Variants in CSMD1 observed in about 807,000 individuals in gnomAD.
CSMD1 encodes the protein CUB and sushi domain-containing protein 1.
A neutral mutation model predicts 417.5 loss-of-function variants in CSMD1; 213 were observed. That is an observed-to-expected ratio of 0.51 (90% CI 0.46 to 0.57). CSMD1 has a LOEUF of 0.57. Ranked by LOEUF, CSMD1 falls within the 20% of genes least tolerant of loss-of-function variation. The pLI, the probability that CSMD1 is intolerant of heterozygous loss-of-function variation, is 0.00. For missense variants in CSMD1, 6,923 were observed against 4,529.7 expected (o/e 1.53, Z -15.17); for synonymous variants, 2,862 against 1,736.8 (o/e 1.65, Z -16.11).
intron 1 of CSMD1, among the ~76,000 whole-genome samples, chr8:4,784,348 C>T (rs897490067): frequency 1.8e-4 from 27 of 152,266 alleles, no homozygotes; most frequent in Non-Finnish European, 3.4e-4. Context: ...AGGAAAATTC[C>T]CCCTGCAGGG....
intron 3 of CSMD1, among the ~76,000 whole-genome samples, chr8:4,416,079 C>T (rs1182941378): frequency 6.6e-6 from 1 of 152,138 alleles, no homozygotes; most frequent in African/African-American, 2.4e-5. Flanking sequence ...TGAATAAAGT[C>T]TTTGCCAATT....
At chr8:4,100,461 A>C (rs916873392) in intron 3 of CSMD1, among the ~76,000 whole-genome samples, 2 of 152,156 alleles carry the variant, frequency 1.3e-5, no homozygotes, top group African/African-American at 4.8e-5. Context: ...TTTATCTCCA[A>C]ATGTTGCTTA....
chr8:4,488,997 G>A (rs996782505), intron 2 of CSMD1, among the ~76,000 whole-genome samples: 51 of 152,222 alleles, frequency 3.4e-4, no homozygotes, highest in African/African-American at 8.7e-4. Flanking sequence ...CTGCACGTCC[G>A]CCTCCCAGCT....
intron 5 of CSMD1, among the ~76,000 whole-genome samples, chr8:3,967,351 A>C (rs1470762880): frequency 6.6e-6 from 1 of 152,064 alleles, no homozygotes; most frequent in African/African-American, 2.4e-5. Flanking sequence ...TCCGACCCTG[A>C]ACTTGTAAAC....
chr8:4,323,322 C>A (rs10503253), intron 3 of CSMD1, among the ~76,000 whole-genome samples: 27,971 of 152,118 alleles, frequency 0.18, 3,032 homozygotes, highest in South Asian at 0.36. Flanking sequence ...TATAGTACTT[C>A]AACCCCTAAA....
intron 1 of CSMD1, among the ~76,000 whole-genome samples, chr8:4,696,176 G>C (rs1256156138): frequency 6.6e-6 from 1 of 152,168 alleles, no homozygotes; most frequent in Non-Finnish European, 1.5e-5. Flanking sequence ...ATGTTTTAAA[G>C]CCAGTGCACA....
At chr8:4,823,318 T>C (rs1351484268) in intron 1 of CSMD1, among the ~76,000 whole-genome samples, 1 of 152,058 alleles carries the variant, frequency 6.6e-6, no homozygotes. Flanking sequence ...TTTAGTTCTG[T>C]GATGACTTAG....
chr8:4,060,576 G>A (rs1257849653), intron 3 of CSMD1, among the ~76,000 whole-genome samples: 1 of 152,138 alleles, frequency 6.6e-6, no homozygotes, highest in Admixed American at 6.6e-5. Flanking sequence ...TGAGTTCCAG[G>A]GGAAGGTCAT....
At chr8:4,077,299 A>ATATATATATATATATATGGG (rs1222297360) in intron 3 of CSMD1, among the ~76,000 whole-genome samples, 8 of 66,124 alleles carry the variant, frequency 1.2e-4, no homozygotes, top group African/African-American at 3.3e-4. Flanking sequence ...ATATATGTGT[A>ATATATATATATATATATGGG]TATATATATA....
chr8:3,586,909 C>A (rs923476698), intron 8 of CSMD1, among the ~76,000 whole-genome samples: 31 of 152,314 alleles, frequency 2.0e-4, no homozygotes, highest in African/African-American at 7.2e-4. Flanking sequence ...AAGCTATTCT[C>A]CTGCCTCAGC....
chr8:4,276,648 A>C (rs113652395), intron 3 of CSMD1, among the ~76,000 whole-genome samples: 30 of 152,206 alleles, frequency 2.0e-4, no homozygotes, highest in African/African-American at 7.0e-4. Context: ...GTAGTGATTC[A>C]AAGTCTTATT....
intron 3 of CSMD1, among the ~76,000 whole-genome samples, chr8:4,326,648 C>G (rs10046758): frequency 0.18 from 27,939 of 151,916 alleles, 3,013 homozygotes; most frequent in South Asian, 0.38. Flanking sequence ...AAGCATCTAC[C>G]CAACGTTTCC....
At chr8:3,737,223 T>A (rs151288858) in intron 6 of CSMD1, among the ~76,000 whole-genome samples, 1 of 133,464 alleles carries the variant, frequency 7.5e-6, no homozygotes, top group Non-Finnish European at 1.7e-5. Context: ...TATCATTGAT[T>A]TTTTGCTTTC....
At chr8:3,468,608 T>C in intron 12 of CSMD1, 104 bp downstream of exon 12, 4 of 633,902 alleles carry the variant, frequency 6.3e-6, no homozygotes, top group South Asian at 2.0e-5. Flanking sequence ...TTTATCAGCA[T>C]TGTTTGACTT....
At chr8:3,563,442 T>TTAA (rs763525538) in intron 10 of CSMD1, among the ~76,000 whole-genome samples, 7 of 62,774 alleles carry the variant, frequency 1.1e-4, no homozygotes, top group East Asian at 1.0e-3. Context: ...TATTAAAAGG[T>TTAA]AAAAAAAAAA....
chr8:3,255,111 T>A (rs1563191494), intron 26 of CSMD1, among the ~76,000 whole-genome samples: 1 of 152,212 alleles, frequency 6.6e-6, no homozygotes, highest in Admixed American at 6.5e-5. Context: ...CAGCTGCCGG[T>A]CTCTTGGAGT....
At chr8:3,805,053 A>C (rs905133035) in intron 5 of CSMD1, among the ~76,000 whole-genome samples, 1 of 152,064 alleles carries the variant, frequency 6.6e-6, no homozygotes, top group African/African-American at 2.4e-5. Flanking sequence ...ATATAACACC[A>C]CTTAGGCACA....
intron 1 of CSMD1, among the ~76,000 whole-genome samples, chr8:4,799,059 G>A (rs1294194792): frequency 1.3e-5 from 2 of 152,186 alleles, no homozygotes; most frequent in South Asian, 4.1e-4. Context: ...TGAGGACAGA[G>A]GTCAGGGCTT....
At chr8:4,882,530 G>T (rs1365867207) in intron 1 of CSMD1, among the ~76,000 whole-genome samples, 1 of 151,646 alleles carries the variant, frequency 6.6e-6, no homozygotes, top group African/African-American at 2.4e-5. Context: ...ACAGGTAATG[G>T]TTTCTGTCCG....
Sources: gnomAD v4.1 joint callset for allele counts (sites outside exome capture counted in the v4.1 genomes callset) on GRCh38, gnomAD v4.1.1 for gene constraint, MANE v1.5 for transcripts, NCBI Gene and HGNC (gene_info 2026-07-23, HGNC 2026-07-21) for gene names.